The following RUNDC1 variants were observed in gnomAD, a reference collection of about 807,000 sequenced individuals.
RUNDC1 encodes the protein RUN domain containing 1.
In RUNDC1, 31 loss-of-function variants were observed where a neutral mutation model predicts 49.3. That is an observed-to-expected ratio of 0.63 (90% CI 0.47 to 0.85). RUNDC1 has a LOEUF of 0.85. Among genes scored for constraint, RUNDC1 ranks in the 40% least tolerant of loss-of-function variants. RUNDC1 has a pLI of 0.00. For missense variants in RUNDC1, 715 were observed against 806.7 expected (o/e 0.89, Z 1.38); for synonymous variants, 347 against 348.6 (o/e 1.00, Z 0.05).
At chr17:42,985,242 C>G (rs2050155840) in intron 1 of RUNDC1, among the ~76,000 whole-genome samples, 1 of 152,176 alleles carries the variant, frequency 6.6e-6, no homozygotes, top group African/African-American at 2.4e-5. Context: ...GAGAACTTAT[C>G]TTGTGCCAGA....
At chr17:42,982,629 A>T (rs1416170733) in intron 1 of RUNDC1, among the ~76,000 whole-genome samples, 3 of 152,164 alleles carry the variant, frequency 2.0e-5, no homozygotes, top group African/African-American at 7.2e-5. Context: ...GCATGCCTGT[A>T]GCAACATTTC....
At chr17:42,982,127 A>G (rs529144466) in intron 1 of RUNDC1, 1 of 151,712 alleles carries the variant, frequency 6.6e-6, no homozygotes, top group Admixed American at 6.6e-5. Flanking sequence ...CTGGGACTAC[A>G]GGTGTGTGCC....
Position 42,981,008 on chromosome 17 carries a change from C to A in RUNDC1, c.432C>A (p.Gly144=). 6.5e-7 allele frequency: 1 copy of A among 1,545,760 alleles called. No individual in the cohort carries two copies. The highest frequency in any genetic ancestry group is 8.7e-7 in the Non-Finnish European group (1 of 1,152,068). ...ACGTCCTAGGTTACGAAGGGCCCGG[C>A]GACCCCGCCAGCGATGAGGGCGATG... ...CPHVLGYEGP[G]DPASDEGDGL... Residue 144 remains glycine, a synonymous_variant, in exon 1 of 5, where the codon GGC becomes GGA. Transcript: ENST00000361677.
rs1283456748 is a variant in RUNDC1 at position 42,991,676 on chromosome 17, T to A, written c.1802T>A (p.Leu601Gln). 2.3e-5 allele frequency: 37 copies of A among 1,613,800 alleles called. No homozygotes were observed. Among genetic ancestry groups the A allele is most frequent in the Non-Finnish European group, 3.1e-5 (36 of 1,179,894 alleles). Residue 601 changes from leucine to glutamine, a missense_variant, in exon 5 of 5, where the codon CTG (leucine) becomes CAG (glutamine). Transcript: ENST00000361677. ...SSLKFSLPVD[L>Q]AVRQLKNIKD... is the part of the protein sequence containing the mutation. ...CTCAAGTTTAGCCTCCCTGTAGATC[T>A]GGCTGTGCGCCAGCTCAAAAACATC...
intron 1 of RUNDC1, among the ~76,000 whole-genome samples, chr17:42,986,600 C>G (rs958137219): frequency 2.0e-5 from 3 of 152,104 alleles, no homozygotes; most frequent in African/African-American, 7.2e-5. Flanking sequence ...CGGGTTCACG[C>G]CATCCTCCTG....
rs1487742056 is a variant in RUNDC1, at chr17:42,990,299, T to C, written c.857-18T>C. 6.2e-7 allele frequency: 1 copy of C among 1,613,268 alleles called. No homozygotes were observed. Among genetic ancestry groups the C allele is most frequent in the Non-Finnish European group, 8.5e-7 (1 of 1,179,712 alleles). On this transcript the variant is annotated intron_variant, in intron 3 of 4. Transcript: ENST00000361677. The stretch of plus-strand genomic sequence containing the variant: ...TAAAGGGCTAAATAAGTGTCTCTTC[T>C]ATAATTTCTGATTCCAGATGAAGTG...
chr17:42,987,892 A>C (rs932257960), intron 2 of RUNDC1, among the ~76,000 whole-genome samples: 1 of 152,072 alleles, frequency 6.6e-6, no homozygotes, highest in Non-Finnish European at 1.5e-5. Context: ...AACTGGGATT[A>C]TAGGCAGGCG....
At chr17:42,983,367 TC>T (rs374976189) in intron 1 of RUNDC1, among the ~76,000 whole-genome samples, 3,750 of 150,428 alleles carry the variant, frequency 0.025, 178 homozygotes, top group African/African-American at 0.089. Flanking sequence ...CCTTTTTTTT[TC>T]TTTTTCCTTT....
chr17:42,994,777 A>G lies in RUNDC1; in HGVS notation c.*3061A>G, dbSNP rs1415219938. On this transcript the variant is annotated 3_prime_UTR_variant, in exon 5 of 5. Coordinates refer to ENST00000361677, the MANE Select transcript of RUNDC1 (RefSeq NM_173079.5). ...CTGCTAAGCTCTGATATCATCTGTCATTACTGAGAACAGAGCTCTGTCCTT... is the reference window on the plus strand; with the variant it reads ...CTGCTAAGCTCTGATATCATCTGTCGTTACTGAGAACAGAGCTCTGTCCTT... Among the ~76,000 whole-genome samples the G allele has an allele frequency of 6.6e-6, 1 of 152,188 alleles. No individual in the cohort carries two copies. The highest frequency in any genetic ancestry group is 1.5e-5 in the Non-Finnish European group (1 of 68,034).
At position 42,990,325 on chromosome 17, in the gene RUNDC1, G is replaced by A; in HGVS notation, c.865G>A (p.Gly289Arg). 1 of 1,613,956 alleles carries A rather than the reference G, an allele frequency of 6.2e-7. No homozygotes were observed. The highest frequency in any genetic ancestry group is 8.5e-7 in the Non-Finnish European group (1 of 1,179,972). Residue 289 changes from glycine to arginine, a missense_variant, in exon 4 of 5, where the codon GGA becomes AGA. By Grantham distance (125) the Gly-to-Arg change is moderately radical. Coordinates refer to ENST00000361677, the MANE Select transcript of RUNDC1 (RefSeq NM_173079.5). ...ATAATTTCTGATTCCAGATGAAGTG[G>A]GAAGCCCCTTGCAGACAGGTGGTGG... Reference protein sequence around the residue: ...MFINFIQDEVGSPLQTGGGHC... With the variant: ...MFINFIQDEVRSPLQTGGGHC...
Position 42,981,022 on chromosome 17 carries a change from A to G in RUNDC1, c.446A>G (p.Asp149Gly). ...GAAGGGCCCGGCGACCCCGCCAGCG[A>G]TGAGGGCGATGGGCTGCCAGGGGAC... ...GYEGPGDPASDEGDGLPGDRP... is the reference protein window; with the variant it reads ...GYEGPGDPASGEGDGLPGDRP... The change falls in exon 1 of 5, where the codon GAT (aspartate) becomes GGT (glycine). Residue 149 changes from aspartate (D) to glycine (G), a missense_variant. Asp to Gly is a moderately conservative substitution (Grantham distance 94). Transcript: ENST00000361677. 3 of 1,554,266 alleles carry G rather than the reference A, an allele frequency of 1.9e-6. No homozygotes were observed. The Middle Eastern group carries it at 5.0e-4, about 259-fold the overall frequency.
Position 42,991,989 on chromosome 17 carries a change from C to T in RUNDC1, c.*273C>T, listed in dbSNP as rs1307692110. On this transcript the variant is annotated 3_prime_UTR_variant, in exon 5 of 5. Coordinates refer to ENST00000361677, the MANE Select transcript of RUNDC1 (RefSeq NM_173079.5). ...CAGCACTTTGGGAGGCCGAGGCGGG[C>T]GGATCACAAGGTCAGGAGTTCGAGA... 7 of 388,366 alleles carry T rather than the reference C, an allele frequency of 1.8e-5. No homozygotes were observed. Among genetic ancestry groups the T allele is most frequent in the Non-Finnish European group, 2.9e-5 (6 of 207,780 alleles). The allele number at this position is 388,366 out of a possible 1,614,324, so 24.1% of individuals were successfully genotyped here. A position where few individuals can be genotyped will look rare whatever the true frequency, so the allele number is the denominator to read the frequency against.
At position 42,995,089 on chromosome 17, in the gene RUNDC1, C is replaced by T. The variant is rs1399064935; in HGVS notation, c.*3373C>T. ...CAAACACAGTCTAGCAAAGGAGATA[C>T]CATACCAATTGGAGATTTGGAGAGA... On this transcript the variant is annotated 3_prime_UTR_variant, in exon 5 of 5. Coordinates refer to ENST00000361677, the MANE Select transcript of RUNDC1 (RefSeq NM_173079.5). Among the ~76,000 whole-genome samples the T allele has an allele frequency of 7.4e-6, 1 of 135,606 alleles. No homozygotes were observed. The highest frequency in any genetic ancestry group is 1.6e-5 in the Non-Finnish European group (1 of 62,928). 89.0% of individuals were successfully genotyped at this position (135,606 alleles called of 152,430 possible).
chr17:42,989,224 A>G, intron 2 of RUNDC1, 117 bp from the exon 3 acceptor site: 1 of 722,478 alleles, frequency 1.4e-6, no homozygotes, highest in Non-Finnish European at 2.3e-6. Flanking sequence ...TACTTTCACA[A>G]ATTTAGAGGT....
At position 42,991,331 on chromosome 17, in the gene RUNDC1, G is replaced by A. The variant is rs779998361; in HGVS notation, c.1457G>A (p.Arg486His). Reference protein sequence around the residue: ...FVKYYHAKNGRAYVESPARKL... With the variant: ...FVKYYHAKNGHAYVESPARKL... ...AAGTACTACCATGCTAAGAACGGCC[G>A]TGCTTATGTGGAATCCCCAGCCCGG... The change falls in exon 5 of 5, where the codon CGT becomes CAT. Residue 486 changes from arginine to histidine, a missense_variant. Around this residue, in one of 5 missense-constraint regions of RUNDC1, gnomAD observed 425 missense variants for 499.7 expected, o/e 0.85. Transcript: ENST00000361677. The A allele has an allele frequency of 1.3e-5, 21 of 1,614,060 alleles. No individual in the cohort carries two copies. In the Admixed American group the frequency reaches 1.5e-4, roughly 12 times the overall value.
At chr17:42,982,725 G>A (rs1486698934) in intron 1 of RUNDC1, among the ~76,000 whole-genome samples, 4 of 151,372 alleles carry the variant, frequency 2.6e-5, no homozygotes, top group Middle Eastern at 3.4e-3. Context: ...TGTAATCCTA[G>A]CACTTTGGGA....
In RUNDC1 at chr17:42,994,823, A is replaced by C. The variant is rs1215548928; in HGVS notation, c.*3107A>C. ...TCCTTCACTTAGGGTGAGACAGGACAAGGGAGGAGAGGCAGGCCAGTCCAC... is the reference window on the plus strand; with the variant it reads ...TCCTTCACTTAGGGTGAGACAGGACCAGGGAGGAGAGGCAGGCCAGTCCAC... On this transcript the variant is annotated 3_prime_UTR_variant, in exon 5 of 5. Coordinates refer to ENST00000361677, the MANE Select transcript of RUNDC1 (RefSeq NM_173079.5). 2.6e-5 allele frequency among the ~76,000 whole-genome samples: 4 copies of C among 152,208 alleles called. No individual in the cohort carries two copies. Among genetic ancestry groups the C allele is most frequent in the Non-Finnish European group, 5.9e-5 (4 of 68,034 alleles).
intron 3 of RUNDC1, 143 bp from the exon 4 acceptor site, chr17:42,990,174 G>A: frequency 9.6e-7 from 1 of 1,041,100 alleles, no homozygotes; most frequent in African/African-American, 1.6e-5. Context: ...ACTACTGTAT[G>A]CCAGTCCTCA....
Position 42,980,815 on chromosome 17 carries a change from T to TGCGGCGGCTGCGGGCAGA in RUNDC1, c.248_265dup (p.Leu83_Arg88dup). 7.3e-7 allele frequency: 1 copy of TGCGGCGGCTGCGGGCAGA among 1,375,712 alleles called. No individual in the cohort carries two copies. Among genetic ancestry groups the TGCGGCGGCTGCGGGCAGA allele is most frequent in the Non-Finnish European group, 9.3e-7 (1 of 1,076,200 alleles). The allele number at this position is 1,375,712 out of a possible 1,614,324, so 85.2% of individuals were successfully genotyped here. ...CCGCCGGATTCGCCGGGCCGGACGC[T>TGCGGCGGCTGCGGGCAGA]GCGGCGGCTGCGGGCAGAGCGGCGG... On this transcript the variant is annotated inframe_insertion, in exon 1 of 5. Transcript: ENST00000361677.
Sources: allele counts gnomAD v4.1 joint callset (sites outside exome capture counted in the v4.1 genomes callset), GRCh38; gene constraint gnomAD v4.1.1; regional missense constraint gnomAD v4.1.1; transcripts MANE v1.5; gene names NCBI Gene and HGNC (gene_info 2026-07-23, HGNC 2026-07-21).